TEX2: variants seen among roughly 807,000 people sequenced by gnomAD.
The protein encoded by TEX2 is testis-expressed protein 2.
A neutral mutation model predicts 106.9 loss-of-function variants in TEX2; 53 were observed. The ratio of observed to expected loss-of-function variants is 0.50; its 90% CI spans 0.40 to 0.62. TEX2 has a LOEUF of 0.62. TEX2 is among the 20% of genes least tolerant of loss of function. The probability of loss-of-function intolerance (pLI) is 0.00; values close to 1 mark genes in which losing one functional copy is unlikely to be tolerated. For missense variants in TEX2, 1,207 were observed against 1,379.0 expected, an observed-to-expected ratio of 0.88 and a Z score of 1.98; for synonymous variants, 523 against 534.8, an observed-to-expected ratio of 0.98 and a Z score of 0.30.
At chr17:64,229,692 T>A (rs2033610947) in intron 1 of TEX2, among the ~76,000 whole-genome samples, 1 of 152,184 alleles carries the variant, frequency 6.6e-6, no homozygotes, top group Admixed American at 6.5e-5. Context: ...CACATATTGC[T>A]CTGTTTCCTA....
At chr17:64,206,609 A>G (rs1242103231) in intron 2 of TEX2, among the ~76,000 whole-genome samples, 3 of 147,348 alleles carry the variant, frequency 2.0e-5, no homozygotes, top group Non-Finnish European at 3.0e-5. Flanking sequence ...TGCCCAGGCA[A>G]TAAGAGTACA....
intron 5 of TEX2, among the ~76,000 whole-genome samples, chr17:64,178,974 T>C (rs1027839602): frequency 1.3e-5 from 2 of 152,226 alleles, no homozygotes; most frequent in Non-Finnish European, 2.9e-5. Flanking sequence ...TCCCAAGGTC[T>C]ACAGCACATA....
intron 1 of TEX2, among the ~76,000 whole-genome samples, chr17:64,253,431 T>C (rs1288698317): frequency 6.6e-6 from 1 of 151,520 alleles, no homozygotes; most frequent in Non-Finnish European, 1.5e-5. Context: ...TCCCCAAGTG[T>C]TGAGATTACA....
intron 7 of TEX2, among the ~76,000 whole-genome samples, chr17:64,166,085 C>T (rs1386634377): frequency 6.6e-6 from 1 of 152,186 alleles, no homozygotes; most frequent in East Asian, 1.9e-4. Context: ...CACCTGTGGG[C>T]ACCTGTTCTG....
chr17:64,152,147 T>C (rs2030388745), intron 10 of TEX2, among the ~76,000 whole-genome samples: 2 of 152,250 alleles, frequency 1.3e-5, no homozygotes, highest in African/African-American at 4.8e-5. Flanking sequence ...TATATTTTTG[T>C]TATGAGTGTA....
chr17:64,257,543 T>C (rs1343937471), intron 1 of TEX2, among the ~76,000 whole-genome samples: 2 of 152,190 alleles, frequency 1.3e-5, no homozygotes, highest in Non-Finnish European at 2.9e-5. Flanking sequence ...TGTCATGAAA[T>C]TTCTCACTGT....
chr17:64,242,837 A>G (rs1263929570), intron 1 of TEX2, among the ~76,000 whole-genome samples: 1 of 152,166 alleles, frequency 6.6e-6, no homozygotes, highest in Non-Finnish European at 1.5e-5. Flanking sequence ...TATGATCCCA[A>G]CACGTTTGGA....
chr17:64,173,113 G>A (rs1044805376), intron 6 of TEX2, among the ~76,000 whole-genome samples: 12 of 151,994 alleles, frequency 7.9e-5, no homozygotes, highest in Admixed American at 3.3e-4. Flanking sequence ...AATCTGTTCC[G>A]CCATCTTTAA....
At chr17:64,216,564 G>A (rs2033193313) in intron 1 of TEX2, among the ~76,000 whole-genome samples, 1 of 152,208 alleles carries the variant, frequency 6.6e-6, no homozygotes, top group Non-Finnish European at 1.5e-5. Context: ...CAAGGCAAGA[G>A]TGGAGAGGCC....
Position 64,212,894 on chromosome 17 carries a change from T to C in TEX2, c.1324A>G (p.Ile442Val). ...GCGAGCACCTCTGGCTTGAGAGGAATATCTGAGAGCTTATCAACTTTACTC... is the reference window on the plus strand; with the variant it reads ...GCGAGCACCTCTGGCTTGAGAGGAACATCTGAGAGCTTATCAACTTTACTC... Reference protein sequence around the residue: ...GESKVDKLSDIPLKPEVLAED... With the variant: ...GESKVDKLSDVPLKPEVLAED... The change falls in exon 2 of 12, where the codon ATT becomes GTT. Residue 442 changes from isoleucine to valine, a missense_variant. Ile to Val is a conservative substitution (Grantham distance 29, BLOSUM62 3). This residue lies in a region of TEX2 where 1,067 missense variants were observed against 1,193.6 expected (regional missense o/e 0.89). Transcript: ENST00000584379. The C allele has an allele frequency of 6.2e-7, 1 of 1,614,206 alleles. No individual in the cohort carries two copies. The highest frequency in any genetic ancestry group is 1.7e-5 in the Admixed American group (1 of 60,034).
At chr17:64,193,492 C>G in intron 4 of TEX2, 67 bp downstream of exon 4, 195 of 1,195,562 alleles carry the variant, frequency 1.6e-4, no homozygotes, top group Middle Eastern at 2.1e-4. Flanking sequence ...TCCTACCTGG[C>G]ATTCTTTCTC....
intron 1 of TEX2, among the ~76,000 whole-genome samples, chr17:64,234,717 C>T (rs1219230505): frequency 1.3e-5 from 2 of 152,110 alleles, no homozygotes; most frequent in Non-Finnish European, 2.9e-5. Context: ...TAGGCAGTGA[C>T]AGCACAGGAA....
chr17:64,258,558 TACTC>T (rs1555638083), intron 1 of TEX2, among the ~76,000 whole-genome samples: 1 of 152,218 alleles, frequency 6.6e-6, no homozygotes, highest in Non-Finnish European at 1.5e-5. Context: ...AAATGATAGT[TACTC>T]ACATTGTTAT....
chr17:64,169,116 G>A (rs187840346), intron 7 of TEX2, among the ~76,000 whole-genome samples: 152 of 152,196 alleles, frequency 1.0e-3, no homozygotes, highest in African/African-American at 3.5e-3. Flanking sequence ...TTGGCTCATT[G>A]CAACCTCTGC....
intron 1 of TEX2, among the ~76,000 whole-genome samples, chr17:64,262,212 T>C (rs2034299935): frequency 1.3e-5 from 2 of 152,114 alleles, no homozygotes; most frequent in Non-Finnish European, 2.9e-5. Context: ...CAATTTTCCC[T>C]CAACTCTAAA....
intron 1 of TEX2, among the ~76,000 whole-genome samples, chr17:64,234,970 G>A (rs1196830955): frequency 4.6e-5 from 7 of 151,806 alleles, no homozygotes; most frequent in East Asian, 1.9e-4. Flanking sequence ...ACTGGGCAGC[G>A]CATGACCCAG....
intron 1 of TEX2, among the ~76,000 whole-genome samples, chr17:64,222,204 T>C (rs1444269891): frequency 2.0e-5 from 3 of 152,178 alleles, no homozygotes; most frequent in Non-Finnish European, 4.4e-5. Context: ...GGCCAGTATA[T>C]GTGCAGGTTA....
intron 1 of TEX2, among the ~76,000 whole-genome samples, chr17:64,227,268 A>G (rs2033533661): frequency 6.6e-6 from 1 of 152,010 alleles, no homozygotes; most frequent in African/African-American, 2.4e-5. Context: ...GGGGCAAAAA[A>G]TCCCTAGAAT....
intron 8 of TEX2, among the ~76,000 whole-genome samples, chr17:64,157,963 A>C (rs578223342): frequency 6.6e-6 from 1 of 152,368 alleles, no homozygotes; most frequent in East Asian, 1.9e-4. Flanking sequence ...GCCACCCAAA[A>C]GGCAGAGCGC....
Sources: gnomAD v4.1 joint callset for allele counts (sites outside exome capture counted in the v4.1 genomes callset) on GRCh38, gnomAD v4.1.1 for gene constraint, gnomAD v4.1.1 regional missense constraint, MANE v1.5 for transcripts, NCBI Gene and HGNC (gene_info 2026-07-23, HGNC 2026-07-21) for gene names.